The following GPHN variants were observed in gnomAD, a reference collection of about 807,000 sequenced individuals.
GPHN encodes the protein gephyrin.
Under a neutral mutation model 95.5 loss-of-function variants are expected in GPHN, and 17 were observed. That is an observed-to-expected ratio of 0.18 (90% CI 0.12 to 0.27). The LOEUF (loss-of-function observed/expected upper bound fraction) is 0.27, where lower values mean the gene tolerates loss of function less well. GPHN is among the 10% of genes least tolerant of loss of function. The pLI is 1.00. For synonymous variants in GPHN, 320 were observed against 322.5 expected (o/e 0.99, Z 0.08); for missense variants, 660 against 978.1 (o/e 0.67, Z 4.34).
chr14:67,087,061 C>T (rs903905341), intron 11 of GPHN, among the ~76,000 whole-genome samples: 7 of 147,394 alleles, frequency 4.7e-5, no homozygotes, highest in Admixed American at 2.7e-4. Context: ...AAAAAACTCT[C>T]TTCCTTCACC....
intron 9 of GPHN, among the ~76,000 whole-genome samples, chr14:66,977,807 G>T (rs2070362931): frequency 6.6e-6 from 1 of 152,200 alleles, no homozygotes; most frequent in Middle Eastern, 3.4e-3. Flanking sequence ...TTTTGTTTGT[G>T]TATTTTTTAG....
intron 4 of GPHN, among the ~76,000 whole-genome samples, chr14:66,879,003 T>C (rs191266443): frequency 6.6e-6 from 1 of 152,274 alleles, no homozygotes. Flanking sequence ...TTGGCACATA[T>C]ACACCATGGA....
At chr14:66,780,348 C>T (rs2059561153) in intron 3 of GPHN, among the ~76,000 whole-genome samples, 2 of 152,060 alleles carry the variant, frequency 1.3e-5, no homozygotes, top group Admixed American at 1.3e-4. Flanking sequence ...CCATGCTAGT[C>T]AGTGAATGGA....
At chr14:66,833,024 C>A (rs1215933687) in intron 4 of GPHN, among the ~76,000 whole-genome samples, 2 of 152,030 alleles carry the variant, frequency 1.3e-5, no homozygotes, top group Non-Finnish European at 2.9e-5. Flanking sequence ...ATACACTAGA[C>A]CTACATTATT....
chr14:67,445,102 T>TG, the GPHN span, among the ~76,000 whole-genome samples: 1 of 152,206 alleles, frequency 6.6e-6, no homozygotes, highest in African/African-American at 2.4e-5. Context: ...CAAGAACCTC[T>TG]GGGTTGCTGA....
At chr14:66,990,144 C>G (rs566189280) in intron 9 of GPHN, among the ~76,000 whole-genome samples, 8 of 152,130 alleles carry the variant, frequency 5.3e-5, no homozygotes, top group African/African-American at 1.2e-4. Context: ...GGAGAGAGCA[C>G]AGGGAAAACT....
At chr14:67,666,018 C>T in the GPHN span, among the ~76,000 whole-genome samples, 1 of 152,194 alleles carries the variant, frequency 6.6e-6, no homozygotes, top group Admixed American at 6.5e-5. Flanking sequence ...ACGGCTACTT[C>T]CATGGAGCAG....
intron 4 of GPHN, among the ~76,000 whole-genome samples, chr14:66,858,921 G>T (rs987054130): frequency 1.3e-5 from 2 of 152,160 alleles, no homozygotes; most frequent in Admixed American, 6.6e-5. Flanking sequence ...TCCTCTGCCT[G>T]TGGAAAATAG....
the GPHN span, among the ~76,000 whole-genome samples, chr14:67,680,624 A>G: frequency 6.6e-6 from 1 of 152,044 alleles, no homozygotes; most frequent in South Asian, 2.1e-4. Flanking sequence ...ACGCCTGGCT[A>G]ATTTTTGCAT....
intron 1 of GPHN, among the ~76,000 whole-genome samples, chr14:66,662,221 C>T (rs146318679): frequency 0.01 from 1,539 of 152,200 alleles, 45 homozygotes; most frequent in Admixed American, 0.053. Context: ...CTGGGTGACA[C>T]CTCCCAACCA....
At chr14:66,624,031 CCT>C (rs1408533653) in intron 1 of GPHN, among the ~76,000 whole-genome samples, 3 of 152,168 alleles carry the variant, frequency 2.0e-5, no homozygotes, top group Non-Finnish European at 4.4e-5. Flanking sequence ...ACACAGTGCT[CCT>C]CATGTCCTTA....
intron 9 of GPHN, among the ~76,000 whole-genome samples, chr14:66,998,134 G>A (rs960785779): frequency 6.6e-6 from 1 of 152,136 alleles, no homozygotes; most frequent in Non-Finnish European, 1.5e-5. Flanking sequence ...ATGTGGAACT[G>A]GCTTCTTGGG....
chr14:66,602,900 T>C (rs1595184332), intron 1 of GPHN, among the ~76,000 whole-genome samples: 1 of 151,924 alleles, frequency 6.6e-6, no homozygotes, highest in Admixed American at 6.6e-5. Context: ...ATAAGAGTTA[T>C]AAATTAATTC....
chr14:67,515,394 A>G, the GPHN span: 2 of 177,546 alleles, frequency 1.1e-5, no homozygotes, highest in South Asian at 3.1e-4. Context: ...GCTGCCCGGG[A>G]GGAAAGGAGC....
At chr14:66,875,674 T>A (rs2063626276) in intron 4 of GPHN, among the ~76,000 whole-genome samples, 2 of 152,094 alleles carry the variant, frequency 1.3e-5, no homozygotes, top group African/African-American at 2.4e-5. Context: ...CATTACATAA[T>A]GGTAAAGGGA....
chr14:67,351,911 C>A, the GPHN span, among the ~76,000 whole-genome samples: 5 of 128,092 alleles, frequency 3.9e-5, no homozygotes, highest in African/African-American at 3.2e-5. Context: ...GAACCTCTAC[C>A]AAAAAAAAAA....
At chr14:66,608,669 A>G (rs1189669775) in intron 1 of GPHN, among the ~76,000 whole-genome samples, 1 of 152,050 alleles carries the variant, frequency 6.6e-6, no homozygotes, top group Non-Finnish European at 1.5e-5. Context: ...TGGATGCTCC[A>G]ATGTTGGGTG....
At chr14:67,419,147 TCTGCTTTCCTCA>T in the GPHN span, among the ~76,000 whole-genome samples, 1 of 152,168 alleles carries the variant, frequency 6.6e-6, no homozygotes, top group Admixed American at 6.5e-5. Flanking sequence ...CTCCTTCCAT[TCTGCTTTCCTCA>T]CTGCTTTCCC....
chr14:66,611,957 T>C (rs2153281949), intron 1 of GPHN, among the ~76,000 whole-genome samples: 1 of 152,296 alleles, frequency 6.6e-6, no homozygotes, highest in Non-Finnish European at 1.5e-5. Flanking sequence ...GTGTTTTCTG[T>C]GGCCTAACAT....
Sources: allele counts gnomAD v4.1 joint callset (sites outside exome capture counted in the v4.1 genomes callset), GRCh38; gene constraint gnomAD v4.1.1; transcripts MANE v1.5; gene names NCBI Gene and HGNC (gene_info 2026-07-23, HGNC 2026-07-21).